The following STT3B variants were observed in gnomAD, a reference collection of about 807,000 sequenced individuals.
The protein encoded by STT3B is dolichyl-diphosphooligosaccharide--protein glycosyltransferase subunit STT3B.
In STT3B, 29 loss-of-function variants were observed where a neutral mutation model predicts 96.8. The ratio of observed to expected loss-of-function variants is 0.30; its 90% CI spans 0.22 to 0.41. The LOEUF (loss-of-function observed/expected upper bound fraction) is 0.41. STT3B is among the 10% of genes least tolerant of loss of function. The pLI is 1.00. For missense variants in STT3B, 640 were observed against 1,022.3 expected (o/e 0.63, Z 5.10); for synonymous variants, 367 against 360.0 (o/e 1.02, Z -0.22).
intron 1 of STT3B, among the ~76,000 whole-genome samples, chr3:31,542,814 T>TAACCCCAGC (rs1697312110): frequency 6.6e-6 from 1 of 152,166 alleles, no homozygotes; most frequent in African/African-American, 2.4e-5. Context: ...CTCACGCCTG[T>TAACCCCAGC]AACCCCAGCA....
chr3:31,536,272 TTAAC>T (rs1288814364), intron 1 of STT3B, among the ~76,000 whole-genome samples: 1 of 152,216 alleles, frequency 6.6e-6, no homozygotes, highest in Non-Finnish European at 1.5e-5. Flanking sequence ...TCGCAACACT[TTAAC>T]TGGTCTGTAG....
At chr3:31,625,624 A>C (rs757745635) in intron 12 of STT3B, among the ~76,000 whole-genome samples, 1 of 152,204 alleles carries the variant, frequency 6.6e-6, no homozygotes, top group Non-Finnish European at 1.5e-5. Context: ...ATGTGCTAGC[A>C]AGATCACTGG....
At chr3:31,542,521 T>C (rs775953843) in intron 1 of STT3B, among the ~76,000 whole-genome samples, 2 of 152,220 alleles carry the variant, frequency 1.3e-5, no homozygotes, top group Non-Finnish European at 2.9e-5. Flanking sequence ...TCAAACTCTG[T>C]TTAGTCAGCC....
intron 9 of STT3B, among the ~76,000 whole-genome samples, chr3:31,621,412 C>G (rs1699425915): frequency 6.6e-6 from 1 of 152,074 alleles, no homozygotes; most frequent in South Asian, 2.1e-4. Context: ...GAGATACACA[C>G]TTAAGAATAT....
At chr3:31,548,878 C>G (rs13080814) in intron 1 of STT3B, among the ~76,000 whole-genome samples, 72,111 of 151,954 alleles carry the variant, frequency 0.47, 20,134 homozygotes, top group Non-Finnish European at 0.62. Flanking sequence ...GCAAAATAAT[C>G]TTTGATAATT....
intron 4 of STT3B, among the ~76,000 whole-genome samples, chr3:31,597,127 G>T (rs1698810562): frequency 6.6e-6 from 1 of 151,816 alleles, no homozygotes; most frequent in African/African-American, 2.4e-5. Context: ...GTTTTATTAA[G>T]AATTTTTTTT....
chr3:31,533,481 T>G (rs1416115263), intron 1 of STT3B, 169 bp downstream of exon 1: 3 of 835,822 alleles, frequency 3.6e-6, no homozygotes, highest in Non-Finnish European at 4.8e-6. Context: ...CCCCTGCCCG[T>G]GGGCGAAGTT....
At chr3:31,547,665 G>T (rs1254891280) in intron 1 of STT3B, among the ~76,000 whole-genome samples, 2 of 152,158 alleles carry the variant, frequency 1.3e-5, no homozygotes, top group Non-Finnish European at 1.5e-5. Flanking sequence ...CTGTAGGCAC[G>T]CATCAAGTAC....
chr3:31,625,933 A>ATT, intron 12 of STT3B, 21 bp from the exon 13 acceptor site: 1 of 1,533,738 alleles, frequency 6.5e-7, no homozygotes, highest in South Asian at 1.3e-5. Flanking sequence ...AAACATTCTC[A>ATT]TTTTTTTTTA....
chr3:31,623,014 T>G (rs1218455309), intron 10 of STT3B, among the ~76,000 whole-genome samples: 3 of 152,214 alleles, frequency 2.0e-5, no homozygotes, highest in Non-Finnish European at 4.4e-5. Flanking sequence ...TGAATGTAAT[T>G]CATAAAGATG....
At chr3:31,579,588 C>G (rs1343834651) in intron 2 of STT3B, among the ~76,000 whole-genome samples, 1 of 150,220 alleles carries the variant, frequency 6.7e-6, no homozygotes, top group Non-Finnish European at 1.5e-5. Flanking sequence ...CATATTCTCC[C>G]TGATCTTTTT....
At chr3:31,611,624 G>A (rs902480441) in intron 5 of STT3B, among the ~76,000 whole-genome samples, 20 of 152,066 alleles carry the variant, frequency 1.3e-4, no homozygotes, top group African/African-American at 4.8e-4. Flanking sequence ...AGCCTCCCAA[G>A]TAGCTGGGAT....
chr3:31,623,619 TAATG>T (rs1699474154), intron 10 of STT3B, 51 bp from the exon 11 acceptor site: 2 of 1,382,528 alleles, frequency 1.4e-6, no homozygotes, highest in Admixed American at 2.1e-5. Context: ...TTGAGTATCT[TAATG>T]AAGCAAGTCA....
chr3:31,537,697 G>C (rs796434218), intron 1 of STT3B, among the ~76,000 whole-genome samples: 5 of 152,222 alleles, frequency 3.3e-5, no homozygotes, highest in African/African-American at 1.2e-4. Flanking sequence ...TTTGCATAAA[G>C]ACAACATTGG....
intron 14 of STT3B, among the ~76,000 whole-genome samples, chr3:31,630,828 G>A (rs78787027): frequency 1.0e-3 from 155 of 151,492 alleles, no homozygotes; most frequent in Non-Finnish European, 1.9e-3. Flanking sequence ...AGGGAGTCTC[G>A]CTCTGTCGCC....
At chr3:31,576,107 T>C (rs1698257997) in intron 1 of STT3B, among the ~76,000 whole-genome samples, 1 of 152,096 alleles carries the variant, frequency 6.6e-6, no homozygotes, top group African/African-American at 2.4e-5. Flanking sequence ...CAGTTCTTAA[T>C]CTTTTGAGAT....
intron 1 of STT3B, among the ~76,000 whole-genome samples, chr3:31,548,739 C>G (rs199501641): frequency 3.7e-4 from 56 of 152,202 alleles, no homozygotes; most frequent in East Asian, 1.9e-3. Flanking sequence ...AACCTTCCCC[C>G]CTTTGAGGGA....
intron 1 of STT3B, among the ~76,000 whole-genome samples, chr3:31,572,946 T>C (rs1023898282): frequency 2.6e-5 from 4 of 152,190 alleles, no homozygotes; most frequent in African/African-American, 9.7e-5. Flanking sequence ...TCTATTTGAA[T>C]AGATATTAAG....
intron 14 of STT3B, among the ~76,000 whole-genome samples, chr3:31,629,697 A>G (rs1699615512): frequency 1.3e-5 from 2 of 152,198 alleles, no homozygotes; most frequent in Admixed American, 6.5e-5. Context: ...TTTGGAAAGT[A>G]TTGTTCTCCA....
Sources: gnomAD v4.1 joint callset for allele counts (sites outside exome capture counted in the v4.1 genomes callset) on GRCh38, gnomAD v4.1.1 for gene constraint, MANE v1.5 for transcripts, NCBI Gene and HGNC (gene_info 2026-07-23, HGNC 2026-07-21) for gene names.